Variants in KIF13A observed in about 807,000 individuals in gnomAD.
KIF13A encodes the protein kinesin-like protein KIF13A.
A neutral mutation model predicts 212.2 loss-of-function variants in KIF13A; 79 were observed. The observed-to-expected ratio is 0.37, with a 90% confidence interval of 0.31 to 0.45. The LOEUF (loss-of-function observed/expected upper bound fraction) is 0.45. KIF13A is among the 20% of genes least tolerant of loss of function. The probability of loss-of-function intolerance (pLI) is 1.00; values close to 1 mark genes in which losing one functional copy is unlikely to be tolerated. For missense variants in KIF13A, 1,901 were observed against 2,209.0 expected (o/e 0.86, Z 2.79); for synonymous variants, 789 against 808.6 (o/e 0.98, Z 0.41).
chr6:17,867,810 G>C (rs1282020548), intron 4 of KIF13A, among the ~76,000 whole-genome samples: 1 of 152,166 alleles, frequency 6.6e-6, no homozygotes, highest in Non-Finnish European at 1.5e-5. Flanking sequence ...TGTAAATTTT[G>C]CTGCACAAAT....
intron 3 of KIF13A, 110 bp from the exon 4 acceptor site, chr6:17,873,547 A>G: frequency 1.4e-6 from 1 of 734,916 alleles, no homozygotes; most frequent in Non-Finnish European, 2.2e-6. Context: ...CTACTGTCTG[A>G]CTGAAAAAAA....
rs1761054132 is a variant in KIF13A at position 17,786,352 on chromosome 6, A to G, written c.3362-711T>C. ...GGTGGCTCACGGCTGTAACCCCAGC[A>G]CTTTTGGAGGCCGAGGTGGGCAGAT... On this transcript the variant is annotated intron_variant, in intron 27 of 38. Coordinates refer to ENST00000259711, the MANE Select transcript of KIF13A (RefSeq NM_022113.6). The surrounding 1 kb of genome is among the most constrained non-coding windows in gnomAD (Gnocchi z 5.4). 1.3e-5 allele frequency among the ~76,000 whole-genome samples: 2 copies of G among 152,196 alleles called. No individual in the cohort carries two copies. Among genetic ancestry groups the G allele is most frequent in the Non-Finnish European group, 2.9e-5 (2 of 68,044 alleles).
downstream of KIF13A, chr6:17,760,493 A>C (rs1049607577): frequency 8.7e-6 from 2 of 229,328 alleles, no homozygotes; most frequent in African/African-American, 4.5e-5. Flanking sequence ...CAGATTCTAC[A>C]GTAAGAACTG....
At chr6:17,852,510 C>G (rs562465145) in intron 6 of KIF13A, among the ~76,000 whole-genome samples, 24 of 152,284 alleles carry the variant, frequency 1.6e-4, no homozygotes, top group Non-Finnish European at 2.2e-4. Context: ...GCCTCAACCT[C>G]CCGCCCAGGT....
chr6:17,978,704 A>G (rs1278850743), intron 2 of KIF13A, among the ~76,000 whole-genome samples: 5 of 152,222 alleles, frequency 3.3e-5, no homozygotes, highest in Admixed American at 6.5e-5. Flanking sequence ...CAATAAACTG[A>G]TATCTGCAGA....
rs976451501 is a variant in KIF13A, at chr6:17,871,849, G to A, written c.220+1528C>T. 1.3e-5 allele frequency among the ~76,000 whole-genome samples: 2 copies of A among 152,228 alleles called. No homozygotes were observed. The highest frequency in any genetic ancestry group is 2.9e-5 in the Non-Finnish European group (2 of 68,016). On this transcript the variant is annotated intron_variant, in intron 4 of 38. Transcript: ENST00000259711. This position sits in a 1 kb window ranked among gnomAD's most constrained non-coding sequence, Gnocchi z 4.4. ...ACATAAATTGAACACGGTTAATGACGGGTTTGTATAACCATAGCATTTATC... is the reference window on the plus strand; with the variant it reads ...ACATAAATTGAACACGGTTAATGACAGGTTTGTATAACCATAGCATTTATC...
Position 17,769,304 on chromosome 6 carries a change from A to G in KIF13A, c.4581+1810T>C, listed in dbSNP as rs937746603. 2.0e-5 allele frequency among the ~76,000 whole-genome samples: 3 copies of G among 152,236 alleles called. No individual in the cohort carries two copies. The highest frequency in any genetic ancestry group is 2.1e-4 in the South Asian group (1 of 4,836). Reference sequence around the variant, plus strand: ...TGTCTGGAATGAATTAAAGAGCCCAATTGCCTCTTAGGTGCAGAGTGCTCA... The same window carrying G: ...TGTCTGGAATGAATTAAAGAGCCCAGTTGCCTCTTAGGTGCAGAGTGCTCA... On this transcript the variant is annotated intron_variant, in intron 38 of 38. Transcript: ENST00000259711. The surrounding 1 kb of genome is among the most constrained non-coding windows in gnomAD (Gnocchi z 5.8).
At chr6:17,956,800 A>G (rs1282491021) in intron 2 of KIF13A, among the ~76,000 whole-genome samples, 1 of 152,112 alleles carries the variant, frequency 6.6e-6, no homozygotes, top group Non-Finnish European at 1.5e-5. Context: ...CTGCATAGAG[A>G]GGCCAAGAAG....
intron 3 of KIF13A, among the ~76,000 whole-genome samples, chr6:17,893,432 A>G (rs146836961): frequency 4.5e-4 from 68 of 152,346 alleles, no homozygotes; most frequent in African/African-American, 1.5e-3. Context: ...TTGATAGTAT[A>G]AAGAAATATA....
chr6:17,986,877 G>A (rs1781608758), intron 2 of KIF13A, among the ~76,000 whole-genome samples, 177 bp downstream of exon 2: 1 of 152,218 alleles, frequency 6.6e-6, no homozygotes, highest in African/African-American at 2.4e-5. Context: ...AGATGGAGGA[G>A]AAGGGGGGCG....
chr6:17,795,634 T>C (rs1393293269), intron 23 of KIF13A, among the ~76,000 whole-genome samples: 2 of 152,056 alleles, frequency 1.3e-5, no homozygotes, highest in African/African-American at 4.8e-5. Flanking sequence ...CAATTCTATT[T>C]GTGGACTTGC....
At chr6:17,774,930 C>A in intron 35 of KIF13A, 85 bp downstream of exon 35, 3 of 996,636 alleles carry the variant, frequency 3.0e-6, no homozygotes, top group Non-Finnish European at 4.6e-6. Flanking sequence ...CCAGGTGAGG[C>A]CCAGAGATTT....
chr6:17,937,346 A>C (rs1776552575), intron 2 of KIF13A, among the ~76,000 whole-genome samples: 1 of 152,204 alleles, frequency 6.6e-6, no homozygotes. Flanking sequence ...CACACCCTCA[A>C]TATAGATTAA....
intron 2 of KIF13A, among the ~76,000 whole-genome samples, chr6:17,911,749 G>A (rs1162066274): frequency 6.9e-6 from 1 of 144,498 alleles, no homozygotes; most frequent in Non-Finnish European, 1.5e-5. Context: ...GCACAGCAAG[G>A]TGACTATAGT....
intron 25 of KIF13A, among the ~76,000 whole-genome samples, chr6:17,790,852 T>C (rs1761472845): frequency 6.6e-6 from 1 of 152,206 alleles, no homozygotes; most frequent in African/African-American, 2.4e-5. Context: ...GTACTCTCTA[T>C]TGACCATAAC....
In KIF13A at chr6:17,789,778, G is replaced by T; in HGVS notation, c.3261+94C>A. The T allele has an allele frequency of 3.1e-6, 3 of 963,270 alleles. No homozygotes were observed. Among genetic ancestry groups the T allele is most frequent in the Non-Finnish European group, 4.9e-6 (3 of 616,256 alleles). The allele number at this position is 963,270 out of a possible 1,614,324, so 59.7% of individuals were successfully genotyped here. A position where few individuals can be genotyped will look rare whatever the true frequency, so the allele number is the denominator to read the frequency against. On this transcript the variant is annotated intron_variant, in intron 26 of 38. Coordinates refer to ENST00000259711, the MANE Select transcript of KIF13A (RefSeq NM_022113.6). The surrounding 1 kb of genome is among the most constrained non-coding windows in gnomAD (Gnocchi z 4.8). Reference sequence around the variant, plus strand: ...AAAAACTGCATATTCTCGCTCTAGGGCCCTCCTTCCTCCTCCCTGGCCTCT... The same window carrying T: ...AAAAACTGCATATTCTCGCTCTAGGTCCCTCCTTCCTCCTCCCTGGCCTCT...
chr6:17,934,962 A>G lies in KIF13A; in HGVS notation c.147-36782T>C, dbSNP rs1776332878. On this transcript the variant is annotated intron_variant, in intron 2 of 38. Coordinates refer to ENST00000259711, the MANE Select transcript of KIF13A (RefSeq NM_022113.6). This position sits in a 1 kb window ranked among gnomAD's most constrained non-coding sequence, Gnocchi z 5.4. ...GATCCTGTATTGATTTATTACTGCA[A>G]TACCTGAAGCAAGTTCCTTTACACC... Among the ~76,000 whole-genome samples, 1 of 152,184 alleles carries G rather than the reference A, an allele frequency of 6.6e-6. No homozygotes were observed. Among genetic ancestry groups the G allele is most frequent in the Non-Finnish European group, 1.5e-5 (1 of 68,030 alleles).
chr6:17,804,794 C>T (rs1350201758), intron 19 of KIF13A, among the ~76,000 whole-genome samples: 2 of 106,592 alleles, frequency 1.9e-5, no homozygotes, highest in Non-Finnish European at 3.4e-5. Context: ...AGTGACAGAG[C>T]GAGACTCTGT....
rs1283252401 is a variant in KIF13A, at chr6:17,849,883, G to A, written c.718-394C>T. Among the ~76,000 whole-genome samples the A allele has an allele frequency of 6.6e-6, 1 of 152,224 alleles. No homozygotes were observed. Among genetic ancestry groups the A allele is most frequent in the Admixed American group, 6.5e-5 (1 of 15,282 alleles). ...CTCTTTAATATCCCTCAATGGCTAT[G>A]AAGCTGACATGTTTCCATGGGAATT... On this transcript the variant is annotated intron_variant, in intron 8 of 38. Coordinates refer to ENST00000259711, the MANE Select transcript of KIF13A (RefSeq NM_022113.6). This position sits in a 1 kb window ranked among gnomAD's most constrained non-coding sequence, Gnocchi z 5.7.
Sources: gnomAD v4.1 joint callset for allele counts (sites outside exome capture counted in the v4.1 genomes callset) on GRCh38, gnomAD v4.1.1 for gene constraint, Gnocchi (gnomAD v3.1) non-coding constraint, MANE v1.5 for transcripts, NCBI Gene and HGNC (gene_info 2026-07-23, HGNC 2026-07-21) for gene names.